Variants in DCAF12 observed in about 807,000 individuals in gnomAD.
DCAF12 encodes DDB1- and CUL4-associated factor 12.
DCAF12 carries 28 observed loss-of-function variants against 52.8 expected under a neutral mutation model. That is an observed-to-expected ratio of 0.53 (90% CI 0.39 to 0.73). The LOEUF (loss-of-function observed/expected upper bound fraction) is 0.73, where lower values mean the gene tolerates loss of function less well. Among genes scored for constraint, DCAF12 ranks in the 30% least tolerant of loss-of-function variants. The pLI, the probability that DCAF12 is intolerant of heterozygous loss-of-function variation, is 0.00. For missense variants in DCAF12, 425 were observed against 552.2 expected (o/e 0.77, Z 2.31); for synonymous variants, 196 against 215.5 (o/e 0.91, Z 0.79).
At chr9:34,094,445 T>G (rs1828700753) in intron 6 of DCAF12, among the ~76,000 whole-genome samples, 1 of 151,542 alleles carries the variant, frequency 6.6e-6, no homozygotes, top group Non-Finnish European at 1.5e-5. Flanking sequence ...ACAGGTAGGT[T>G]TAACTCTATG....
intron 6 of DCAF12, chr9:34,093,722 C>A (rs902838813): frequency 2.0e-5 from 7 of 348,974 alleles, no homozygotes; most frequent in Middle Eastern, 1.9e-3. Context: ...AAGGCCAAGG[C>A]CTTTCTTGGT....
chr9:34,125,933 G>A (rs945672819), intron 1 of DCAF12, among the ~76,000 whole-genome samples: 2 of 152,136 alleles, frequency 1.3e-5, no homozygotes, highest in African/African-American at 2.4e-5. Context: ...CCCAGCTCAG[G>A]GTTGGGTATA....
At chr9:34,096,937 C>A (rs968525790) in intron 5 of DCAF12, among the ~76,000 whole-genome samples, 156 bp from the exon 6 acceptor site, 3 of 152,144 alleles carry the variant, frequency 2.0e-5, no homozygotes, top group African/African-American at 7.2e-5. Flanking sequence ...CTTCACCCTA[C>A]AGAACCTAGC....
intron 4 of DCAF12, among the ~76,000 whole-genome samples, chr9:34,103,191 C>T (rs1200319693): frequency 1.3e-5 from 2 of 149,672 alleles, no homozygotes; most frequent in African/African-American, 4.9e-5. Flanking sequence ...GCAGGTGGAT[C>T]ACGAGGTCAG....
At chr9:34,106,163 G>A (rs1236384379) in intron 4 of DCAF12, among the ~76,000 whole-genome samples, 1 of 152,150 alleles carries the variant, frequency 6.6e-6, no homozygotes, top group East Asian at 1.9e-4. Flanking sequence ...CACGATCACA[G>A]CTTGATGCAG....
intron 3 of DCAF12, 50 bp downstream of exon 3, chr9:34,107,309 C>A: frequency 1.3e-6 from 2 of 1,561,910 alleles, no homozygotes. Context: ...ATCACTGAGA[C>A]CCGTTTAAAA....
intron 4 of DCAF12, among the ~76,000 whole-genome samples, chr9:34,102,014 CAA>C (rs141617386): frequency 9.5e-4 from 124 of 130,122 alleles, no homozygotes; most frequent in Middle Eastern, 3.9e-3. Context: ...GACCCTGTCG[CAA>C]AAAAAAAAAA....
intron 7 of DCAF12, among the ~76,000 whole-genome samples, chr9:34,092,438 A>C (rs1828659339): frequency 1.3e-5 from 2 of 152,206 alleles, no homozygotes; most frequent in Admixed American, 1.3e-4. Context: ...CTGTAATCTC[A>C]GCACTTTGGA....
intron 6 of DCAF12, among the ~76,000 whole-genome samples, chr9:34,095,629 T>C (rs1247528536): frequency 1.3e-5 from 2 of 151,996 alleles, no homozygotes; most frequent in African/African-American, 4.8e-5. Context: ...GCTCAAGCAA[T>C]CCTCCTGCTT....
intron 4 of DCAF12, among the ~76,000 whole-genome samples, chr9:34,102,747 T>C (rs1159590384): frequency 2.0e-5 from 3 of 152,024 alleles, no homozygotes; most frequent in East Asian, 3.9e-4. Context: ...ATGGTATCTT[T>C]CTAGAGGACA....
chr9:34,098,181 A>T (rs933221716), intron 5 of DCAF12, 143 bp downstream of exon 5: 1 of 822,138 alleles, frequency 1.2e-6, no homozygotes, highest in Non-Finnish European at 1.9e-6. Flanking sequence ...ATTTCTCACC[A>T]GCATCACTCA....
chr9:34,107,440 T>C lies in DCAF12; in HGVS notation c.459A>G (p.Thr153=), dbSNP rs1418379359. ...GGTTGTCTCCTCCAGTGGCTAGCAG[T>C]GTTCTAGAAGGATTCAGCTCGATGG... ...IHAIELNPSR[T]LLATGGDNPN... The change falls in exon 3 of 9, where the codon ACA becomes ACG. Residue 153 remains threonine (T), a synonymous_variant. Coordinates refer to ENST00000361264, the MANE Select transcript of DCAF12 (RefSeq NM_015397.4). 2 of 1,613,996 alleles carry C rather than the reference T, an allele frequency of 1.2e-6. No individual in the cohort carries two copies. Among genetic ancestry groups the C allele is most frequent in the African/African-American group, 2.7e-5 (2 of 74,910 alleles).
At position 34,108,808 on chromosome 9, in the gene DCAF12, A is replaced by AAAAAT. The variant is rs1378571589; in HGVS notation, c.334-1244_334-1243insATTTT. On this transcript the variant is annotated intron_variant, in intron 2 of 8. Transcript: ENST00000361264. ...GACTTGGTCTCAAAAAAAATAAATA[A>AAAAAT]ATAAATATATATATATATATATGAA... 9.3e-4 allele frequency among the ~76,000 whole-genome samples: 107 copies of AAAAAT among 115,358 alleles called. 1 individual carries two copies. In the East Asian group the frequency reaches 0.02, roughly 22 times the overall value. 75.7% of individuals were successfully genotyped at this position (115,358 alleles called of 152,430 possible).
intron 7 of DCAF12, among the ~76,000 whole-genome samples, chr9:34,091,704 C>T (rs1257608302): frequency 6.8e-6 from 1 of 147,956 alleles, no homozygotes; most frequent in South Asian, 2.2e-4. Flanking sequence ...AGTATCTGCA[C>T]AGGAATAAAC....
intron 2 of DCAF12, 97 bp downstream of exon 2, chr9:34,124,926 T>C: frequency 1.3e-6 from 2 of 1,499,958 alleles, no homozygotes. Flanking sequence ...AAGTCCCTCC[T>C]AAAAGAAACA....
chr9:34,108,874 T>C (rs772967025), intron 2 of DCAF12, among the ~76,000 whole-genome samples: 1 of 149,278 alleles, frequency 6.7e-6, no homozygotes, highest in Non-Finnish European at 1.5e-5. Flanking sequence ...TCCCAACTAC[T>C]TAGCTACTCA....
intron 2 of DCAF12, among the ~76,000 whole-genome samples, chr9:34,123,078 C>T (rs1423770861): frequency 1.3e-5 from 2 of 152,168 alleles, no homozygotes; most frequent in Admixed American, 6.6e-5. Context: ...ATGATAAAAA[C>T]AACAGTGGCT....
intron 7 of DCAF12, among the ~76,000 whole-genome samples, chr9:34,090,538 A>C (rs1439129818): frequency 6.6e-6 from 1 of 152,222 alleles, no homozygotes; most frequent in African/African-American, 2.4e-5. Context: ...CTCTTGGCAC[A>C]TAAGAACTGG....
Position 34,089,605 on chromosome 9 carries a change from A to ATTAC in DCAF12, c.1025-16_1025-15insGTAA. 1.3e-6 allele frequency: 2 copies of ATTAC among 1,591,332 alleles called. No individual in the cohort carries two copies. Among genetic ancestry groups the ATTAC allele is most frequent in the Non-Finnish European group, 1.7e-6 (2 of 1,166,150 alleles). On this transcript the variant is annotated splice_polypyrimidine_tract_variant and intron_variant, in intron 7 of 8. Coordinates refer to ENST00000361264, the MANE Select transcript of DCAF12 (RefSeq NM_015397.4). ...TGACCGGATTCCTGAAAGACAGAAA[A>ATTAC]GTAAAAGGCAGTGAGGCGGGAGAGA...
Sources: gnomAD v4.1 joint callset for allele counts (sites outside exome capture counted in the v4.1 genomes callset) on GRCh38, gnomAD v4.1.1 for gene constraint, MANE v1.5 for transcripts, NCBI Gene and HGNC (gene_info 2026-07-23, HGNC 2026-07-21) for gene names.